Variants in BCAS3 observed in about 807,000 individuals in gnomAD.
The protein encoded by BCAS3 is BCAS4/BCAS3 fusion.
BCAS3 carries 53 observed loss-of-function variants against 116.1 expected under a neutral mutation model. The ratio of observed to expected loss-of-function variants is 0.46; its 90% CI spans 0.37 to 0.57. The LOEUF is 0.57. BCAS3 is among the 20% of genes least tolerant of loss of function. The probability of loss-of-function intolerance (pLI) is 0.00; values close to 1 mark genes in which losing one functional copy is unlikely to be tolerated. For missense variants in BCAS3, 917 were observed against 1,165.4 expected, an observed-to-expected ratio of 0.79 and a Z score of 3.10; for synonymous variants, 391 against 408.2, an observed-to-expected ratio of 0.96 and a Z score of 0.51.
chr17:61,374,558 G>A (rs981558087), intron 23 of BCAS3, among the ~76,000 whole-genome samples: 7 of 152,166 alleles, frequency 4.6e-5, no homozygotes, highest in African/African-American at 1.2e-4. Context: ...CTGCGGCCCC[G>A]GGCTCACTGA....
Position 61,307,639 on chromosome 17 carries a change from A to C in BCAS3, c.2426-60688A>C, listed in dbSNP as rs147387947. Among the ~76,000 whole-genome samples, 1 of 152,242 alleles carries C rather than the reference A, an allele frequency of 6.6e-6. No homozygotes were observed. Among genetic ancestry groups the C allele is most frequent in the African/African-American group, 2.4e-5 (1 of 41,456 alleles). ...TAAAAGGAGCTATATAAATCTGAGA[A>C]ACTGTAGAGAGGACTCTAACTAATT... On this transcript the variant is annotated intron_variant, in intron 22 of 23. Transcript: ENST00000407086. The surrounding 1 kb of genome is among the most constrained non-coding windows in gnomAD (Gnocchi z 4.7).
At chr17:61,358,071 G>C (rs1393197599) in intron 22 of BCAS3, among the ~76,000 whole-genome samples, 1 of 143,746 alleles carries the variant, frequency 7.0e-6, no homozygotes, top group African/African-American at 2.6e-5. Context: ...CTGGGCAACA[G>C]AGTGAGACTC....
chr17:60,864,847 A>G (rs2054460305), intron 7 of BCAS3, among the ~76,000 whole-genome samples: 1 of 152,174 alleles, frequency 6.6e-6, no homozygotes, highest in Non-Finnish European at 1.5e-5. Flanking sequence ...TAGGATTATT[A>G]ATTGGTCTAC....
chr17:60,704,749 A>G (rs1448447805), intron 4 of BCAS3, among the ~76,000 whole-genome samples: 1 of 151,724 alleles, frequency 6.6e-6, no homozygotes, highest in East Asian at 2.0e-4. Context: ...GAGGCAGGAG[A>G]ATCGCTTGGA....
At chr17:61,049,996 G>T (rs2068713111) in intron 19 of BCAS3, among the ~76,000 whole-genome samples, 1 of 151,988 alleles carries the variant, frequency 6.6e-6, no homozygotes, top group Non-Finnish European at 1.5e-5. Flanking sequence ...GCCTCCCAAA[G>T]TGTTGGGATT....
intron 14 of BCAS3, among the ~76,000 whole-genome samples, chr17:60,955,386 A>ATTTTT (rs1016334366): frequency 3.9e-5 from 5 of 128,086 alleles, no homozygotes; most frequent in African/African-American, 1.4e-4. Context: ...GGGAAACTGA[A>ATTTTT]TTTTTTTTTT....
chr17:61,359,828 C>T (rs958989390), intron 22 of BCAS3, among the ~76,000 whole-genome samples: 1 of 152,100 alleles, frequency 6.6e-6, no homozygotes, highest in Non-Finnish European at 1.5e-5. Flanking sequence ...GCTACCCTGA[C>T]TCAGTTAGAC....
At chr17:61,081,530 T>A (rs1220901456) in intron 21 of BCAS3, among the ~76,000 whole-genome samples, 2 of 152,206 alleles carry the variant, frequency 1.3e-5, no homozygotes, top group Non-Finnish European at 2.9e-5. Flanking sequence ...ATTATCCTGT[T>A]TACAGGACAC....
At chr17:60,965,404 T>TA (rs2061606876) in intron 14 of BCAS3, among the ~76,000 whole-genome samples, 1 of 151,950 alleles carries the variant, frequency 6.6e-6, no homozygotes, top group Admixed American at 6.6e-5. Context: ...GTATTTTTAG[T>TA]AGAGATGGAG....
At position 61,034,882 on chromosome 17, in the gene BCAS3, C is replaced by G; in HGVS notation, c.1762+92C>G. The stretch of plus-strand genomic sequence containing the variant: ...CAGTTTCCCTAGAATAATCTTGTAC[C>G]CAGTAGTCTGGAAACCAATTTTTTT... On this transcript the variant is annotated intron_variant, in intron 17 of 23. Coordinates refer to ENST00000407086, the MANE Select transcript of BCAS3 (RefSeq NM_017679.5). This position sits in a 1 kb window ranked among gnomAD's most constrained non-coding sequence, Gnocchi z 5.0. The G allele has an allele frequency of 7.7e-7, 1 of 1,298,034 alleles. No homozygotes were observed. The highest frequency in any genetic ancestry group is 1.5e-5 in the African/African-American group (1 of 65,746). The allele number at this position is 1,298,034 out of a possible 1,614,324, so 80.4% of individuals were successfully genotyped here.
At chr17:61,078,570 T>A in intron 21 of BCAS3, 41 bp downstream of exon 21, 1 of 1,523,156 alleles carries the variant, frequency 6.6e-7, no homozygotes, top group South Asian at 1.2e-5. Context: ...ACAAAAGGAT[T>A]AATATGTTCG....
In BCAS3 at chr17:60,874,775, G is replaced by C. The variant is rs186183906; in HGVS notation, c.661+37G>C. 4,890 of 1,328,782 alleles carry C rather than the reference G, an allele frequency of 3.7e-3. 209 individuals carry two copies. The Admixed American group carries it at 0.074, about 20-fold the overall frequency. The allele number at this position is 1,328,782 out of a possible 1,614,324, so 82.3% of individuals were successfully genotyped here. A position where few individuals can be genotyped will look rare whatever the true frequency, so the allele number is the denominator to read the frequency against. Reference sequence around the variant, plus strand: ...TTTTTTTTCCCTTCTTATGCCTTTGGGTTTATACTACTTACTTGACACAAT... The same window carrying C: ...TTTTTTTTCCCTTCTTATGCCTTTGCGTTTATACTACTTACTTGACACAAT... On this transcript the variant is annotated intron_variant, in intron 9 of 23. Transcript: ENST00000407086.
At chr17:60,987,317 A>T (rs2063207248) in intron 14 of BCAS3, among the ~76,000 whole-genome samples, 1 of 132,452 alleles carries the variant, frequency 7.5e-6, no homozygotes, top group African/African-American at 2.8e-5. Flanking sequence ...AGCTTTGGTT[A>T]TTCTGGGTCT....
rs963760339 is a variant in BCAS3, at chr17:61,357,430, T to TA, written c.2426-10885dup. The stretch of plus-strand genomic sequence containing the variant: ...GGGCGACAGAGTGAGATCCTCTCTC[T>TA]AAAAAAAAAAAATTTTTATTTTTTT... On this transcript the variant is annotated intron_variant, in intron 22 of 23. Coordinates refer to ENST00000407086, the MANE Select transcript of BCAS3 (RefSeq NM_017679.5). Among the ~76,000 whole-genome samples the TA allele has an allele frequency of 5.6e-4, 81 of 143,806 alleles. No individual in the cohort carries two copies. In the East Asian group the frequency reaches 8.7e-3, roughly 15 times the overall value. The allele number at this position is 143,806 out of a possible 152,430, so 94.3% of individuals were successfully genotyped here. A position where few individuals can be genotyped will look rare whatever the true frequency, so the allele number is the denominator to read the frequency against.
Position 61,365,102 on chromosome 17 carries a change from G to T in BCAS3, c.2426-3225G>T, listed in dbSNP as rs1317936990. ...GGTTGTATTGTTTTTCCATTTTTAT[G>T]GATGAGGAATCAGAGACGCATGCCT... On this transcript the variant is annotated intron_variant, in intron 22 of 23. Transcript: ENST00000407086. This position sits in a 1 kb window ranked among gnomAD's most constrained non-coding sequence, Gnocchi z 4.6. Among the ~76,000 whole-genome samples, 1 of 152,136 alleles carries T rather than the reference G, an allele frequency of 6.6e-6. No individual in the cohort carries two copies. The highest frequency in any genetic ancestry group is 1.5e-5 in the Non-Finnish European group (1 of 68,028).
At chr17:60,900,781 A>G (rs115850323) in intron 10 of BCAS3, among the ~76,000 whole-genome samples, 114 of 152,126 alleles carry the variant, frequency 7.5e-4, no homozygotes, top group African/African-American at 2.5e-3. Context: ...CTATAGTGCA[A>G]AATTCTGACT....
At chr17:61,102,998 T>C (rs554938409) in intron 22 of BCAS3, among the ~76,000 whole-genome samples, 1 of 152,262 alleles carries the variant, frequency 6.6e-6, no homozygotes, top group Non-Finnish European at 1.5e-5. Context: ...CAGACTGAAA[T>C]GTTGTAGATT....
chr17:60,888,778 C>G (rs1370400853), intron 9 of BCAS3, among the ~76,000 whole-genome samples: 2 of 152,050 alleles, frequency 1.3e-5, no homozygotes, highest in Non-Finnish European at 2.9e-5. Context: ...AATGAGAAAG[C>G]TTTTATTTTG....
chr17:61,238,568 C>T (rs2083250039), intron 22 of BCAS3, among the ~76,000 whole-genome samples: 1 of 152,010 alleles, frequency 6.6e-6, no homozygotes, highest in Admixed American at 6.6e-5. Context: ...AGATAATCTG[C>T]CCTCATAGCT....
Sources: gnomAD v4.1 joint callset for allele counts (sites outside exome capture counted in the v4.1 genomes callset) on GRCh38, gnomAD v4.1.1 for gene constraint, Gnocchi (gnomAD v3.1) non-coding constraint, MANE v1.5 for transcripts, NCBI Gene and HGNC (gene_info 2026-07-23, HGNC 2026-07-21) for gene names.